AGBL3: variants seen among roughly 807,000 people sequenced by gnomAD.
AGBL3 encodes AGBL carboxypeptidase 3.
Under a neutral mutation model 94.5 loss-of-function variants are expected in AGBL3, and 68 were observed. That is an observed-to-expected ratio of 0.72 (90% confidence interval 0.59 to 0.88). The LOEUF (loss-of-function observed/expected upper bound fraction) is 0.88. Ranked by LOEUF, AGBL3 falls within the 40% of genes least tolerant of loss-of-function variation. AGBL3 has a pLI of 0.00. For synonymous variants in AGBL3, 354 were observed against 370.7 expected, an observed-to-expected ratio of 0.95 and a Z score of 0.52; for missense variants, 934 against 1,103.8, an observed-to-expected ratio of 0.85 and a Z score of 2.18.
chr7:135,035,569 A>G (rs1271287637), intron 7 of AGBL3, among the ~76,000 whole-genome samples: 3 of 152,256 alleles, frequency 2.0e-5, no homozygotes, highest in East Asian at 1.9e-4. Context: ...TTAGTATAAC[A>G]TAAGTAGAAT....
chr7:134,993,005 G>A (rs982582345), intron 3 of AGBL3, among the ~76,000 whole-genome samples: 1 of 152,170 alleles, frequency 6.6e-6, no homozygotes, highest in South Asian at 2.1e-4. Context: ...CCTGCTTGGC[G>A]TGGCCCCATA....
chr7:134,996,815 C>T (rs1811068048), intron 4 of AGBL3, among the ~76,000 whole-genome samples: 1 of 152,122 alleles, frequency 6.6e-6, no homozygotes, highest in African/African-American at 2.4e-5. Flanking sequence ...GTCAAATTTT[C>T]CTCCAAAAAG....
chr7:135,053,176 A>ATTTTTTTTTTCT (rs1419725650), intron 11 of AGBL3, among the ~76,000 whole-genome samples: 174 of 152,332 alleles, frequency 1.1e-3, no homozygotes, highest in Non-Finnish European at 2.3e-3. Context: ...TTTGCTTAAG[A>ATTTTTTTTTTCT]AAGCAAGGCC....
intron 8 of AGBL3, among the ~76,000 whole-genome samples, chr7:135,039,041 A>G (rs1816584109): frequency 6.6e-6 from 1 of 152,182 alleles, no homozygotes; most frequent in Admixed American, 6.5e-5. Context: ...TGGAACTGGT[A>G]GATAGACAGT....
At chr7:135,096,379 C>T (rs1822703928) in intron 15 of AGBL3, among the ~76,000 whole-genome samples, 2 of 143,790 alleles carry the variant, frequency 1.4e-5, no homozygotes, top group South Asian at 4.5e-4. Flanking sequence ...GACAGACAGA[C>T]AGAGAAGGAA....
chr7:135,101,366 A>G (rs1823804344), intron 15 of AGBL3: 1 of 390,340 alleles, frequency 2.6e-6, no homozygotes, highest in Admixed American at 3.0e-5. Context: ...TGAAACTTGG[A>G]TTATGGGAAC....
intron 11 of AGBL3, among the ~76,000 whole-genome samples, chr7:135,052,785 A>C (rs183824291): frequency 3.3e-4 from 50 of 152,280 alleles, no homozygotes; most frequent in Admixed American, 7.9e-4. Context: ...GCTATAAAAT[A>C]CTATATAAAT....
At chr7:134,996,099 A>C (rs1345130299) in intron 4 of AGBL3, among the ~76,000 whole-genome samples, 2 of 152,222 alleles carry the variant, frequency 1.3e-5, no homozygotes, top group African/African-American at 4.8e-5. Flanking sequence ...TTCACAGAGC[A>C]TTCTTCTGTG....
intron 15 of AGBL3, among the ~76,000 whole-genome samples, chr7:135,113,806 C>T (rs773673351): frequency 2.6e-5 from 4 of 152,188 alleles, no homozygotes; most frequent in Non-Finnish European, 5.9e-5. Flanking sequence ...TATTCCTCTG[C>T]AATTCTCCCT....
intron 3 of AGBL3, among the ~76,000 whole-genome samples, chr7:134,993,202 T>G (rs1810522279): frequency 6.6e-6 from 1 of 152,104 alleles, no homozygotes; most frequent in Non-Finnish European, 1.5e-5. Flanking sequence ...TTAAGAAGAG[T>G]CAAAGTAGAT....
At chr7:135,077,947 T>C (rs890505298) in intron 13 of AGBL3, among the ~76,000 whole-genome samples, 2 of 152,174 alleles carry the variant, frequency 1.3e-5, no homozygotes, top group African/African-American at 4.8e-5. Context: ...CATCACCTGA[T>C]GCCTGACATT....
intron 4 of AGBL3, among the ~76,000 whole-genome samples, chr7:135,016,169 CTAA>C (rs1584840752): frequency 6.6e-6 from 1 of 152,112 alleles, no homozygotes; most frequent in African/African-American, 2.4e-5. Flanking sequence ...AGACTTTCAA[CTAA>C]TGAGATTTTT....
At chr7:135,120,711 T>C (rs1300568759) in intron 16 of AGBL3, among the ~76,000 whole-genome samples, 1 of 152,054 alleles carries the variant, frequency 6.6e-6, no homozygotes, top group African/African-American at 2.4e-5. Flanking sequence ...ATTTCAAATA[T>C]GACAATGGAG....
At chr7:135,104,436 T>C (rs1460138281) in intron 15 of AGBL3, among the ~76,000 whole-genome samples, 5 of 152,216 alleles carry the variant, frequency 3.3e-5, no homozygotes, top group Admixed American at 1.3e-4. Flanking sequence ...TTGCTTTGGA[T>C]ATATACCCAG....
intron 16 of AGBL3, among the ~76,000 whole-genome samples, chr7:135,132,374 T>C (rs1034385852): frequency 6.6e-6 from 1 of 152,196 alleles, no homozygotes; most frequent in African/African-American, 2.4e-5. Flanking sequence ...AAAAAGTAAT[T>C]GATGAAATCC....
intron 5 of AGBL3, among the ~76,000 whole-genome samples, chr7:135,028,750 T>A (rs1815415515): frequency 6.6e-6 from 1 of 152,220 alleles, no homozygotes; most frequent in Admixed American, 6.5e-5. Flanking sequence ...GTTTTCAATT[T>A]ACTTTGCCCA....
intron 15 of AGBL3, among the ~76,000 whole-genome samples, chr7:135,086,781 C>T (rs1821369135): frequency 6.6e-6 from 1 of 151,858 alleles, no homozygotes; most frequent in Admixed American, 6.6e-5. Flanking sequence ...CTTTATTTAT[C>T]AAGAACATAG....
chr7:135,097,142 T>C lies in AGBL3; in HGVS notation c.2110+15352T>C, dbSNP rs540352196. Reference sequence around the variant, plus strand: ...CTTATCACATCATTCATTCCCTTGATTGCTTGATGAAACAAAGTAAAATTA... The same window carrying C: ...CTTATCACATCATTCATTCCCTTGACTGCTTGATGAAACAAAGTAAAATTA... On this transcript the variant is annotated intron_variant, in intron 15 of 16. Coordinates refer to ENST00000436302, the MANE Select transcript of AGBL3 (RefSeq NM_178563.4). Among the ~76,000 whole-genome samples, 250 of 152,290 alleles carry C rather than the reference T, an allele frequency of 1.6e-3. 2 individuals are homozygous for C. Among genetic ancestry groups the C allele is most frequent in the African/African-American group, 5.9e-3 (247 of 41,578 alleles).
intron 13 of AGBL3, among the ~76,000 whole-genome samples, chr7:135,076,683 T>C (rs1194729770): frequency 6.6e-6 from 1 of 152,186 alleles, no homozygotes. Context: ...TTTATACTTT[T>C]ACCTTACTCT....
Sources: allele counts gnomAD v4.1 joint callset (sites outside exome capture counted in the v4.1 genomes callset), GRCh38; gene constraint gnomAD v4.1.1; transcripts MANE v1.5; gene names NCBI Gene and HGNC (gene_info 2026-07-23, HGNC 2026-07-21).